Variants in GRID2 observed in about 807,000 individuals in gnomAD.
The protein encoded by GRID2 is glutamate ionotropic receptor delta type subunit 2.
In GRID2, 33 loss-of-function variants were observed where a neutral mutation model predicts 114.8. The observed-to-expected ratio is 0.29, with a 90% CI of 0.22 to 0.38. The LOEUF (loss-of-function observed/expected upper bound fraction) is 0.38, where lower values mean the gene tolerates loss of function less well. Ranked by LOEUF, GRID2 falls within the 10% of genes least tolerant of loss-of-function variation. The pLI is 1.00. For synonymous variants in GRID2, 505 were observed against 449.9 expected, an observed-to-expected ratio of 1.12 and a Z score of -1.55; for missense variants, 1,184 against 1,257.7, an observed-to-expected ratio of 0.94 and a Z score of 0.89.
intron 2 of GRID2, among the ~76,000 whole-genome samples, chr4:92,953,462 G>A (rs1212285312): frequency 7.9e-5 from 12 of 152,088 alleles, no homozygotes; most frequent in Non-Finnish European, 1.6e-4. Flanking sequence ...AAATTGAGCT[G>A]AACTCATCTG....
At chr4:92,417,533 A>G (rs1341246296) in intron 1 of GRID2, among the ~76,000 whole-genome samples, 1 of 152,132 alleles carries the variant, frequency 6.6e-6, no homozygotes, top group Non-Finnish European at 1.5e-5. Context: ...AATTGTAACA[A>G]AAAGGTAAAG....
chr4:92,847,575 A>G (rs1482229472), intron 2 of GRID2, among the ~76,000 whole-genome samples: 2 of 152,054 alleles, frequency 1.3e-5, no homozygotes, highest in Non-Finnish European at 2.9e-5. Context: ...TTGATAACAT[A>G]AAGAGATGTC....
chr4:93,284,217 TAAC>T (rs1345268534), intron 8 of GRID2, among the ~76,000 whole-genome samples: 2 of 152,072 alleles, frequency 1.3e-5, no homozygotes, highest in South Asian at 2.1e-4. Flanking sequence ...AATGAAAACA[TAAC>T]AACATTTTTT....
chr4:92,508,504 C>T (rs1410069659), intron 1 of GRID2, among the ~76,000 whole-genome samples: 1 of 151,868 alleles, frequency 6.6e-6, no homozygotes, highest in Non-Finnish European at 1.5e-5. Context: ...GAGGCCCTTA[C>T]TGAGGAAGTG....
At chr4:92,638,170 G>C (rs943029395) in intron 2 of GRID2, among the ~76,000 whole-genome samples, 1 of 151,162 alleles carries the variant, frequency 6.6e-6, no homozygotes, top group African/African-American at 2.4e-5. Flanking sequence ...TAGAATAGGG[G>C]GATTATTTAT....
At chr4:93,656,233 T>A (rs1209459747) in intron 14 of GRID2, among the ~76,000 whole-genome samples, 2 of 152,010 alleles carry the variant, frequency 1.3e-5, no homozygotes, top group South Asian at 4.1e-4. Flanking sequence ...TGTTTCTATT[T>A]AATGTATTAG....
chr4:92,579,865 A>AATTTTGTCTAT (rs148107239), intron 1 of GRID2, among the ~76,000 whole-genome samples: 1 of 149,384 alleles, frequency 6.7e-6, no homozygotes, highest in Non-Finnish European at 1.5e-5. Flanking sequence ...ACAAAATGTC[A>AATTTTGTCTAT]GAGACTGTGA....
intron 2 of GRID2, among the ~76,000 whole-genome samples, chr4:92,980,135 G>C (rs1754102711): frequency 6.6e-6 from 1 of 152,032 alleles, no homozygotes. Flanking sequence ...CAAATATGTT[G>C]CAATAACTTC....
intron 1 of GRID2, among the ~76,000 whole-genome samples, chr4:92,392,877 T>C (rs1730315411): frequency 6.6e-6 from 1 of 152,204 alleles, no homozygotes; most frequent in Admixed American, 6.5e-5. Flanking sequence ...ATTTTGAACA[T>C]AGTGCCAAAC....
rs1481892772 is a variant in GRID2 at position 93,774,463 on chromosome 4, A to T, written c.*1965A>T. The T allele has an allele frequency of 6.6e-6, 1 of 152,170 alleles. No homozygotes were observed. The highest frequency in any genetic ancestry group is 1.5e-5 in the Non-Finnish European group (1 of 67,996). 9.4% of individuals were successfully genotyped at this position (152,170 alleles called of 1,614,324 possible). On this transcript the variant is annotated 3_prime_UTR_variant, in exon 16 of 16. Coordinates refer to ENST00000282020, the MANE Select transcript of GRID2 (RefSeq NM_001510.4). Reference sequence around the variant, plus strand: ...TTGATGTATCGCCTATTATACAAACACACAAAACATTTTTGGAGGCCTCAG... The same window carrying T: ...TTGATGTATCGCCTATTATACAAACTCACAAAACATTTTTGGAGGCCTCAG...
chr4:92,670,907 C>T (rs1377422168), intron 2 of GRID2, among the ~76,000 whole-genome samples: 1 of 152,078 alleles, frequency 6.6e-6, no homozygotes, highest in African/African-American at 2.4e-5. Flanking sequence ...TTAAAACTCT[C>T]TGCCAGCAGT....
rs867490992 is a variant in GRID2 at position 93,170,330 on chromosome 4, C to T, written c.736-37074C>T. 1.4e-4 allele frequency among the ~76,000 whole-genome samples: 21 copies of T among 152,212 alleles called. No individual in the cohort carries two copies. The Middle Eastern group carries it at 0.024, about 173-fold the overall frequency. On this transcript the variant is annotated intron_variant, in intron 4 of 15. Transcript: ENST00000282020. ...AACTCCTGGGCTCAAGTGATCCACCCGCCTTGGACTCCCAAAGTGCTGGGA... is the reference window on the plus strand; with the variant it reads ...AACTCCTGGGCTCAAGTGATCCACCTGCCTTGGACTCCCAAAGTGCTGGGA...
chr4:93,685,484 AGTGTTACTATTT>A (rs1056189374), intron 14 of GRID2, among the ~76,000 whole-genome samples: 2 of 152,096 alleles, frequency 1.3e-5, no homozygotes, highest in African/African-American at 4.8e-5. Context: ...AACTAAAACA[AGTGTTACTATTT>A]TTAACTCTTG....
chr4:92,375,058 A>G (rs2110225600), intron 1 of GRID2, among the ~76,000 whole-genome samples: 1 of 152,282 alleles, frequency 6.6e-6, no homozygotes, highest in Admixed American at 6.5e-5. Context: ...ATGACAGTGT[A>G]GAGTGCATCC....
chr4:93,049,709 T>C (rs1035942812), intron 2 of GRID2, among the ~76,000 whole-genome samples: 1 of 151,948 alleles, frequency 6.6e-6, no homozygotes, highest in Admixed American at 6.6e-5. Flanking sequence ...TAATTAAAAA[T>C]ATTTTTCTTC....
chr4:92,997,105 T>C (rs1755249406), intron 2 of GRID2, among the ~76,000 whole-genome samples: 1 of 152,216 alleles, frequency 6.6e-6, no homozygotes, highest in African/African-American at 2.4e-5. Context: ...TATATTCACT[T>C]CAGGTGTTTT....
chr4:93,486,647 C>A (rs184053180), intron 11 of GRID2, among the ~76,000 whole-genome samples: 2 of 151,578 alleles, frequency 1.3e-5, no homozygotes, highest in Non-Finnish European at 3.0e-5. Context: ...CCTAAAGTAG[C>A]GAATTACAAT....
intron 14 of GRID2, among the ~76,000 whole-genome samples, chr4:93,683,099 A>G (rs1392316134): frequency 6.6e-6 from 1 of 151,950 alleles, no homozygotes; most frequent in Non-Finnish European, 1.5e-5. Context: ...AACCTTTTTA[A>G]GATGTTACCT....
chr4:92,840,340 A>C (rs1357240210), intron 2 of GRID2, among the ~76,000 whole-genome samples: 1 of 151,992 alleles, frequency 6.6e-6, no homozygotes, highest in African/African-American at 2.4e-5. Flanking sequence ...TTGACAAGTA[A>C]GAGCTTAACT....
Sources: gnomAD v4.1 joint callset for allele counts (sites outside exome capture counted in the v4.1 genomes callset) on GRCh38, gnomAD v4.1.1 for gene constraint, MANE v1.5 for transcripts, NCBI Gene and HGNC (gene_info 2026-07-23, HGNC 2026-07-21) for gene names.